Variants in NEK10 observed in about 807,000 individuals in gnomAD.
NEK10 encodes the protein NIMA related kinase 10, also known as serine/threonine-protein kinase Nek10.
NEK10 carries 122 observed loss-of-function variants against 159.8 expected under a neutral mutation model. The observed-to-expected ratio is 0.76, with a 90% CI of 0.66 to 0.89. The LOEUF is 0.89. NEK10 is among the 40% of genes least tolerant of loss of function. The pLI is 0.00. For synonymous variants in NEK10, 466 were observed against 457.1 expected (o/e 1.02, Z -0.25); for missense variants, 1,342 against 1,323.1 (o/e 1.01, Z -0.22).
intron 5 of NEK10, among the ~76,000 whole-genome samples, chr3:27,334,607 G>A (rs551829688): frequency 6.6e-6 from 1 of 152,242 alleles, no homozygotes; most frequent in South Asian, 2.1e-4. Context: ...CTAAGCCACT[G>A]GGGAAATCTC....
Position 27,352,893 on chromosome 3 carries a change from C to T in NEK10, c.-11G>A. The T allele has an allele frequency of 6.3e-7, 1 of 1,592,442 alleles. No individual in the cohort carries two copies. ...ATCTTGATCAGGCATTGTAAAACAT[C>T]AATGCCCCAGAATTAACATCGCATT... On this transcript the variant is annotated 5_prime_UTR_variant, in exon 2 of 36. The change abolishes the stop of an existing upstream ORF in the 5' untranslated region. Coordinates refer to ENST00000691995, the MANE Select transcript of NEK10 (RefSeq NM_001394966.1).
At chr3:27,267,353 A>AT (rs2040983375) in intron 22 of NEK10, among the ~76,000 whole-genome samples, 1 of 152,068 alleles carries the variant, frequency 6.6e-6, no homozygotes, top group Non-Finnish European at 1.5e-5. Context: ...TGTATACCTC[A>AT]TTTTATTGTG....
chr3:27,303,080 A>G (rs1165367004), intron 12 of NEK10, among the ~76,000 whole-genome samples: 2 of 152,190 alleles, frequency 1.3e-5, no homozygotes, highest in African/African-American at 4.8e-5. Context: ...CTCTGAAAAG[A>G]AACTGTTTAT....
chr3:27,242,855 T>A (rs1321015962), intron 23 of NEK10, among the ~76,000 whole-genome samples: 1 of 152,172 alleles, frequency 6.6e-6, no homozygotes, highest in Admixed American at 6.5e-5. Flanking sequence ...TCTTCAAAAC[T>A]TAACTGCCAA....
chr3:27,171,283 C>G (rs987359514), intron 29 of NEK10, among the ~76,000 whole-genome samples: 1 of 152,298 alleles, frequency 6.6e-6, no homozygotes, highest in East Asian at 1.9e-4. Context: ...ATTTCACCAT[C>G]CCTTGCAACT....
intron 13 of NEK10, among the ~76,000 whole-genome samples, chr3:27,298,282 T>C (rs2043524366): frequency 6.6e-6 from 1 of 152,152 alleles, no homozygotes; most frequent in Non-Finnish European, 1.5e-5. Context: ...GTTCTTGTGA[T>C]AGTGAATGAG....
chr3:27,154,060 A>G (rs779709668), intron 30 of NEK10, among the ~76,000 whole-genome samples: 1 of 152,230 alleles, frequency 6.6e-6, no homozygotes, highest in African/African-American at 2.4e-5. Context: ...ACCATTATCA[A>G]GATTAATCAA....
chr3:27,270,436 A>G (rs1462588086), intron 22 of NEK10, among the ~76,000 whole-genome samples: 1 of 152,164 alleles, frequency 6.6e-6, no homozygotes, highest in Non-Finnish European at 1.5e-5. Context: ...CAGCCTCATG[A>G]GAAACCCTAA....
chr3:27,297,617 C>T (rs998428889), intron 13 of NEK10, among the ~76,000 whole-genome samples: 1 of 152,176 alleles, frequency 6.6e-6, no homozygotes, highest in African/African-American at 2.4e-5. Flanking sequence ...TAAAAGAATG[C>T]TTTAAATATA....
rs1179343174 is a variant in NEK10 at position 27,107,860 on chromosome 3, C to G, written c.*3412G>C. Reference sequence around the variant, plus strand: ...GGAGCTAAAGTCATTTCTAAAGGAACCCAGCATATTGACTGTGCATGATTC... The same window carrying G: ...GGAGCTAAAGTCATTTCTAAAGGAAGCCAGCATATTGACTGTGCATGATTC... On this transcript the variant is annotated 3_prime_UTR_variant, in exon 36 of 36. Transcript: ENST00000691995. Among the ~76,000 whole-genome samples the G allele has an allele frequency of 6.6e-6, 1 of 152,040 alleles. No homozygotes were observed. The highest frequency in any genetic ancestry group is 1.5e-5 in the Non-Finnish European group (1 of 67,990).
intron 23 of NEK10, among the ~76,000 whole-genome samples, chr3:27,249,525 A>G (rs1467779090): frequency 6.6e-6 from 1 of 152,012 alleles, no homozygotes; most frequent in South Asian, 2.1e-4. Context: ...ATTTTTTCTG[A>G]TATAAGTATA....
chr3:27,175,920 A>G (rs554281094), intron 26 of NEK10, among the ~76,000 whole-genome samples: 4 of 152,324 alleles, frequency 2.6e-5, no homozygotes, highest in South Asian at 2.1e-4. Context: ...AAAGGCTCCA[A>G]TGATGCTCAT....
At chr3:27,157,182 A>G (rs1315124137) in intron 30 of NEK10, among the ~76,000 whole-genome samples, 2 of 151,156 alleles carry the variant, frequency 1.3e-5, no homozygotes, top group African/African-American at 4.9e-5. Flanking sequence ...ACTTGGGGGG[A>G]AGAGTGGGAA....
intron 1 of NEK10, among the ~76,000 whole-genome samples, chr3:27,366,656 C>CAG (rs2049111311): frequency 6.6e-6 from 1 of 152,172 alleles, no homozygotes; most frequent in African/African-American, 2.4e-5. Context: ...AGAGCTGTAT[C>CAG]AGAGCTGTCG....
At position 27,202,822 on chromosome 3, in the gene NEK10, G is replaced by C. The variant is rs956423580; in HGVS notation, c.2091-265C>G. 3.3e-5 allele frequency among the ~76,000 whole-genome samples: 5 copies of C among 152,100 alleles called. No individual in the cohort carries two copies. In the South Asian group the frequency reaches 6.2e-4, roughly 19 times the overall value. Reference sequence around the variant, plus strand: ...ATGCATCCAAGGGTGTTTATTTCCAGAAAGAGCAAGCCCACTGTGGTAGAT... The same window carrying C: ...ATGCATCCAAGGGTGTTTATTTCCACAAAGAGCAAGCCCACTGTGGTAGAT... On this transcript the variant is annotated intron_variant, in intron 23 of 35. Coordinates refer to ENST00000691995, the MANE Select transcript of NEK10 (RefSeq NM_001394966.1).
At chr3:27,288,663 A>G (rs1297104558) in intron 19 of NEK10, among the ~76,000 whole-genome samples, 2 of 152,218 alleles carry the variant, frequency 1.3e-5, no homozygotes, top group Non-Finnish European at 2.9e-5. Context: ...TCTCTTTGAT[A>G]TAAGTTAAGA....
chr3:27,246,705 C>G (rs950226644), intron 23 of NEK10, among the ~76,000 whole-genome samples: 13 of 152,092 alleles, frequency 8.5e-5, no homozygotes, highest in Non-Finnish European at 2.9e-5. Flanking sequence ...TGCCCACTAC[C>G]CTTCCTAGCC....
At chr3:27,279,909 C>T (rs753058463) in intron 22 of NEK10, among the ~76,000 whole-genome samples, 23 of 152,150 alleles carry the variant, frequency 1.5e-4, no homozygotes, top group African/African-American at 4.3e-4. Context: ...GTGGCTCACG[C>T]CTGTAATCCC....
At chr3:27,180,418 A>G (rs1466107201) in intron 26 of NEK10, among the ~76,000 whole-genome samples, 1 of 134,830 alleles carries the variant, frequency 7.4e-6, no homozygotes, top group Admixed American at 7.6e-5. Flanking sequence ...AAGGGAAGGG[A>G]AGGGGAGGGG....
Sources: gnomAD v4.1 joint callset for allele counts (sites outside exome capture counted in the v4.1 genomes callset) on GRCh38, gnomAD v4.1.1 for gene constraint, MANE v1.5 for transcripts, NCBI Gene and HGNC (gene_info 2026-07-23, HGNC 2026-07-21) for gene names.